The following TLE1 variants were observed in gnomAD, a reference collection of about 807,000 sequenced individuals.
TLE1 encodes the protein TLE family member 1, transcriptional corepressor.
Under a neutral mutation model 89.8 loss-of-function variants are expected in TLE1, and 21 were observed. The observed-to-expected ratio is 0.23, with a 90% confidence interval of 0.17 to 0.34. The LOEUF is 0.34. Ranked by LOEUF, TLE1 falls within the 10% of genes least tolerant of loss-of-function variation. The pLI, the probability that TLE1 is intolerant of heterozygous loss-of-function variation, is 1.00. For missense variants in TLE1, 795 were observed against 1,031.2 expected, an observed-to-expected ratio of 0.77 and a Z score of 3.14; for synonymous variants, 447 against 407.6, an observed-to-expected ratio of 1.10 and a Z score of -1.16.
chr9:81,688,175 C>T, intron 1 of TLE1, 42 bp downstream of exon 1: 2 of 1,601,464 alleles, frequency 1.2e-6, no homozygotes, highest in Non-Finnish European at 8.5e-7. Flanking sequence ...AAGCGCCTCC[C>T]CAACGATCCT....
chr9:81,651,407 C>A (rs1239494549), intron 6 of TLE1, among the ~76,000 whole-genome samples: 1 of 152,154 alleles, frequency 6.6e-6, no homozygotes, highest in Non-Finnish European at 1.5e-5. Flanking sequence ...TAATGCAGAG[C>A]AAATGACTTG....
At chr9:81,597,375 G>A (rs560346600) in intron 14 of TLE1, among the ~76,000 whole-genome samples, 9 of 152,294 alleles carry the variant, frequency 5.9e-5, no homozygotes, top group South Asian at 2.1e-4. Context: ...GGAGGAAGAC[G>A]CAGGGTGGGG....
chr9:81,644,559 G>A (rs1207719686), intron 6 of TLE1, among the ~76,000 whole-genome samples: 1 of 152,150 alleles, frequency 6.6e-6, no homozygotes, highest in East Asian at 1.9e-4. Flanking sequence ...CAGAGGTTAG[G>A]GGAGGAGACA....
chr9:81,685,546 A>C (rs750900418), intron 4 of TLE1, 130 bp downstream of exon 4: 4 of 818,198 alleles, frequency 4.9e-6, no homozygotes, highest in Non-Finnish European at 5.7e-6. Flanking sequence ...AATCCACAGG[A>C]CAGGAAACCA....
intron 4 of TLE1, among the ~76,000 whole-genome samples, chr9:81,656,250 C>T (rs1049351386): frequency 2.7e-5 from 4 of 149,090 alleles, no homozygotes; most frequent in East Asian, 1.9e-4. Flanking sequence ...TGGCTCTCCT[C>T]GAAAGCATGG....
intron 15 of TLE1, among the ~76,000 whole-genome samples, chr9:81,591,684 C>T (rs113699107): frequency 3.5e-4 from 53 of 152,202 alleles, no homozygotes; most frequent in African/African-American, 1.2e-3. Context: ...ATGCTTTTAA[C>T]GATGGATTAT....
At chr9:81,598,545 A>G (rs981534950) in intron 14 of TLE1, among the ~76,000 whole-genome samples, 1 of 152,132 alleles carries the variant, frequency 6.6e-6, no homozygotes, top group Non-Finnish European at 1.5e-5. Flanking sequence ...GGATCAGAAC[A>G]CCACAAGCTG....
At position 81,639,276 on chromosome 9, in the gene TLE1, G is replaced by T. The variant is rs1412768551; in HGVS notation, c.373-4975C>A. On this transcript the variant is annotated intron_variant, in intron 6 of 19. Transcript: ENST00000376499. ...AGATGGGGTCTCACCATGTTGCCCA[G>T]GCTGGTCTAGAACTCCTGGCTTCAA... Among the ~76,000 whole-genome samples the T allele has an allele frequency of 2.6e-5, 4 of 152,208 alleles. No homozygotes were observed. In the East Asian group the frequency reaches 7.8e-4, roughly 30 times the overall value.
At chr9:81,687,483 G>A (rs1422136931) in intron 1 of TLE1, 49 bp from the exon 2 acceptor site, 18 of 1,417,720 alleles carry the variant, frequency 1.3e-5, no homozygotes, top group African/African-American at 2.8e-5. Context: ...GCGGGCGGAT[G>A]AATAAAGCAG....
intron 16 of TLE1, among the ~76,000 whole-genome samples, chr9:81,590,397 T>C (rs1012367578): frequency 2.6e-5 from 4 of 152,266 alleles, no homozygotes; most frequent in African/African-American, 9.6e-5. Flanking sequence ...TGTCCCTTTG[T>C]TGATTTTCTG....
chr9:81,619,443 G>GA (rs1217518284), intron 9 of TLE1, among the ~76,000 whole-genome samples: 2 of 152,240 alleles, frequency 1.3e-5, no homozygotes, highest in African/African-American at 4.8e-5. Flanking sequence ...AATAATCCAT[G>GA]AAAAAATCAC....
chr9:81,622,884 G>A (rs1825452537), intron 8 of TLE1, among the ~76,000 whole-genome samples: 1 of 152,128 alleles, frequency 6.6e-6, no homozygotes, highest in African/African-American at 2.4e-5. Context: ...AGGGATCCCT[G>A]GCCCACGCAG....
chr9:81,636,732 C>T (rs933272636), intron 6 of TLE1, among the ~76,000 whole-genome samples: 5 of 152,244 alleles, frequency 3.3e-5, no homozygotes, highest in African/African-American at 1.2e-4. Context: ...CGGCCAGGCA[C>T]AGTGGCTCAC....
intron 8 of TLE1, among the ~76,000 whole-genome samples, chr9:81,621,918 G>T (rs2132196798): frequency 6.6e-6 from 1 of 152,282 alleles, no homozygotes; most frequent in South Asian, 2.1e-4. Context: ...AATGCCAGGA[G>T]GCTTAGATAA....
chr9:81,640,888 T>C (rs941438183), intron 6 of TLE1, among the ~76,000 whole-genome samples: 1 of 152,136 alleles, frequency 6.6e-6, no homozygotes, highest in Non-Finnish European at 1.5e-5. Flanking sequence ...GACCGGAAAC[T>C]AAGCTCCTTA....
At chr9:81,642,662 C>G (rs1404805324) in intron 6 of TLE1, among the ~76,000 whole-genome samples, 1 of 151,672 alleles carries the variant, frequency 6.6e-6, no homozygotes, top group Admixed American at 6.6e-5. Flanking sequence ...CCACTGCACT[C>G]CAGCCTGGGT....
chr9:81,600,109 C>T (rs973893546), intron 14 of TLE1: 16 of 745,532 alleles, frequency 2.1e-5, no homozygotes, highest in Non-Finnish European at 3.8e-5. Context: ...GGGGCAGGAA[C>T]AAGGCTCCTA....
At chr9:81,617,317 A>G (rs1824664475) in intron 9 of TLE1, among the ~76,000 whole-genome samples, 1 of 152,240 alleles carries the variant, frequency 6.6e-6, no homozygotes, top group Admixed American at 6.5e-5. Context: ...GCATTCTGCA[A>G]TAGGGCTCTC....
chr9:81,641,686 A>G (rs1052892924), intron 6 of TLE1, among the ~76,000 whole-genome samples: 4 of 152,228 alleles, frequency 2.6e-5, no homozygotes, highest in African/African-American at 4.8e-5. Context: ...AAAATGCTCA[A>G]TATCATTAAT....
Sources: gnomAD v4.1 joint callset for allele counts (sites outside exome capture counted in the v4.1 genomes callset) on GRCh38, gnomAD v4.1.1 for gene constraint, MANE v1.5 for transcripts, NCBI Gene and HGNC (gene_info 2026-07-23, HGNC 2026-07-21) for gene names.